CNTN3: variants seen among roughly 807,000 people sequenced by gnomAD.
CNTN3 encodes the protein contactin-3.
CNTN3 carries 60 observed loss-of-function variants against 119.1 expected under a neutral mutation model. The observed-to-expected ratio is 0.50, with a 90% confidence interval of 0.41 to 0.62. The LOEUF (loss-of-function observed/expected upper bound fraction) is 0.62, where lower values mean the gene tolerates loss of function less well. Among genes scored for constraint, CNTN3 ranks in the 20% least tolerant of loss-of-function variants. The pLI is 0.00. For synonymous variants in CNTN3, 450 were observed against 438.7 expected (o/e 1.03, Z -0.32); for missense variants, 1,101 against 1,242.4 (o/e 0.89, Z 1.71).
At chr3:74,362,142 C>T (rs1704086983) in intron 10 of CNTN3, 102 bp from the exon 11 acceptor site, 3 of 1,262,620 alleles carry the variant, frequency 2.4e-6, no homozygotes, top group Middle Eastern at 2.8e-4. Context: ...TCTTTACATT[C>T]AGGGTGTCAG....
At position 74,298,097 on chromosome 3, in the gene CNTN3, G is replaced by A. The variant is rs778362892; in HGVS notation, c.2261C>T (p.Thr754Ile). ...GACATATCTTGGGGTGTCAGGGGAT[G>A]TCACCACTGTCTGGATCCAGGTGGT... ...GVTTWIQTVV[T>I]SPDTPRYVFR... Residue 754 changes from threonine to isoleucine, a missense_variant, in exon 18 of 23, where the codon ACA becomes ATA. Thr to Ile is a moderately conservative substitution (Grantham distance 89). Coordinates refer to ENST00000263665, the MANE Select transcript of CNTN3 (RefSeq NM_020872.3). 1 of 1,613,930 alleles carries A rather than the reference G, an allele frequency of 6.2e-7. No individual in the cohort carries two copies.
chr3:74,279,706 T>G (rs1467730474), intron 20 of CNTN3, among the ~76,000 whole-genome samples: 3 of 152,100 alleles, frequency 2.0e-5, no homozygotes, highest in Non-Finnish European at 4.4e-5. Flanking sequence ...ACTTGGGGGA[T>G]GGGTGCACCA....
rs368246856 is a variant in CNTN3, at chr3:74,356,992, C to T, written c.1364+4898G>A. 5.3e-5 allele frequency among the ~76,000 whole-genome samples: 8 copies of T among 152,090 alleles called. No individual in the cohort carries two copies. In the South Asian group the frequency reaches 6.2e-4, roughly 12 times the overall value. Reference sequence around the variant, plus strand: ...AGGCTGGAGTGCAGTGGCATGATCTCGGCTCACTGCAAGCTCCGCCTCTCA... The same window carrying T: ...AGGCTGGAGTGCAGTGGCATGATCTTGGCTCACTGCAAGCTCCGCCTCTCA... On this transcript the variant is annotated intron_variant, in intron 11 of 22. Coordinates refer to ENST00000263665, the MANE Select transcript of CNTN3 (RefSeq NM_020872.3).
chr3:74,385,556 A>G (rs1704726499), intron 5 of CNTN3, among the ~76,000 whole-genome samples: 1 of 152,206 alleles, frequency 6.6e-6, no homozygotes, highest in Non-Finnish European at 1.5e-5. Context: ...TGAGGTTTAC[A>G]CTTGTCTTTG....
intron 1 of CNTN3, among the ~76,000 whole-genome samples, chr3:74,591,561 A>C (rs1421568575): frequency 6.6e-6 from 1 of 151,806 alleles, no homozygotes; most frequent in Non-Finnish European, 1.5e-5. Context: ...AGTCACTGTA[A>C]TGCTATAATA....
chr3:74,581,878 G>A (rs1704515345), intron 1 of CNTN3, among the ~76,000 whole-genome samples: 1 of 151,630 alleles, frequency 6.6e-6, no homozygotes, highest in African/African-American at 2.4e-5. Context: ...AATGTTGCTA[G>A]AAAAAAAATG....
chr3:74,335,314 G>A (rs1202841571), intron 12 of CNTN3, among the ~76,000 whole-genome samples: 3 of 152,068 alleles, frequency 2.0e-5, no homozygotes, highest in African/African-American at 7.2e-5. Context: ...AATCTAAACA[G>A]ACATTTAATG....
chr3:74,414,889 T>TTC (rs1553657548), intron 5 of CNTN3, among the ~76,000 whole-genome samples: 5 of 150,690 alleles, frequency 3.3e-5, no homozygotes, highest in Non-Finnish European at 5.9e-5. Flanking sequence ...TTTTTTTTTT[T>TTC]TTTTTTTTGA....
chr3:74,597,052 A>G (rs1311536499), intron 1 of CNTN3, among the ~76,000 whole-genome samples: 4 of 152,010 alleles, frequency 2.6e-5, no homozygotes, highest in Admixed American at 2.6e-4. Context: ...CATCCATTCC[A>G]TTTACATAAA....
At chr3:74,540,361 G>T (rs1001856380) in intron 1 of CNTN3, among the ~76,000 whole-genome samples, 5 of 152,066 alleles carry the variant, frequency 3.3e-5, no homozygotes, top group African/African-American at 9.7e-5. Context: ...ACCACAAGTT[G>T]ATATGAACAT....
intron 13 of CNTN3, among the ~76,000 whole-genome samples, chr3:74,314,541 A>G (rs1204724536): frequency 2.0e-5 from 3 of 152,322 alleles, no homozygotes; most frequent in Middle Eastern, 3.4e-3. Flanking sequence ...CAGATTAAGG[A>G]AAGTTGTCAG....
At chr3:74,604,723 A>G (rs1223721076) in intron 1 of CNTN3, among the ~76,000 whole-genome samples, 1 of 152,116 alleles carries the variant, frequency 6.6e-6, no homozygotes, top group Non-Finnish European at 1.5e-5. Flanking sequence ...TACTGTAACC[A>G]TTATAGAAAT....
intron 5 of CNTN3, among the ~76,000 whole-genome samples, chr3:74,406,824 T>G (rs1330772553): frequency 6.6e-6 from 1 of 152,142 alleles, no homozygotes; most frequent in East Asian, 1.9e-4. Context: ...TTACCTCTCA[T>G]TGCTAGTAAT....
chr3:74,558,302 T>G lies in CNTN3; in HGVS notation c.-80-37110A>C, dbSNP rs1704100799. Among the ~76,000 whole-genome samples, 4 of 152,164 alleles carry G rather than the reference T, an allele frequency of 2.6e-5. No homozygotes were observed. In the South Asian group the frequency reaches 8.3e-4, roughly 32 times the overall value. On this transcript the variant is annotated intron_variant, in intron 1 of 22. Coordinates refer to ENST00000263665, the MANE Select transcript of CNTN3 (RefSeq NM_020872.3). The stretch of plus-strand genomic sequence containing the variant: ...TTTATTTTCACACAGGAGTTGATCC[T>G]GAGGACACTCTCAAACAAACTTCGT...
intron 5 of CNTN3, among the ~76,000 whole-genome samples, chr3:74,413,585 G>C (rs1222997128): frequency 6.6e-6 from 1 of 152,140 alleles, no homozygotes; most frequent in Non-Finnish European, 1.5e-5. Context: ...ATGCTGTTTA[G>C]AGATTTAGCT....
chr3:74,339,900 TAGATAGATAG>T, intron 11 of CNTN3, among the ~76,000 whole-genome samples: 1 of 9,050 alleles, frequency 1.1e-4, no homozygotes, highest in Non-Finnish European at 2.2e-4. Context: ...TACAGATAGA[TAGATAGATAG>T]ATAGATAGAT....
At chr3:74,329,728 T>C (rs551776410) in intron 13 of CNTN3, among the ~76,000 whole-genome samples, 2 of 152,304 alleles carry the variant, frequency 1.3e-5, no homozygotes, top group African/African-American at 4.8e-5. Flanking sequence ...TAAGCTCTAT[T>C]TAAAAGTAAG....
At chr3:74,488,511 G>T (rs1278891733) in intron 3 of CNTN3, among the ~76,000 whole-genome samples, 1 of 152,004 alleles carries the variant, frequency 6.6e-6, no homozygotes, top group Non-Finnish European at 1.5e-5. Context: ...GTAATTATAT[G>T]GATGTTTATC....
intron 11 of CNTN3, among the ~76,000 whole-genome samples, chr3:74,350,331 A>G (rs1207574360): frequency 6.6e-6 from 1 of 152,212 alleles, no homozygotes; most frequent in Admixed American, 6.5e-5. Flanking sequence ...AATGCTCAAC[A>G]TCACTAATTA....
Sources: gnomAD v4.1 joint callset for allele counts (sites outside exome capture counted in the v4.1 genomes callset) on GRCh38, gnomAD v4.1.1 for gene constraint, MANE v1.5 for transcripts, NCBI Gene and HGNC (gene_info 2026-07-23, HGNC 2026-07-21) for gene names.